Variants in GABRB1 observed in about 807,000 individuals in gnomAD.
GABRB1 encodes the protein gamma-aminobutyric acid type A receptor subunit beta1.
Under a neutral mutation model 51.6 loss-of-function variants are expected in GABRB1, and 17 were observed. The observed-to-expected ratio is 0.33, with a 90% CI of 0.23 to 0.49. The LOEUF is 0.49. Ranked by LOEUF, GABRB1 falls within the 20% of genes least tolerant of loss-of-function variation. The pLI is 0.99. For synonymous variants in GABRB1, 247 were observed against 218.9 expected, an observed-to-expected ratio of 1.13 and a Z score of -1.14; for missense variants, 410 against 600.6, an observed-to-expected ratio of 0.68 and a Z score of 3.32.
At chr4:47,272,587 G>C (rs1359428023) in intron 4 of GABRB1, among the ~76,000 whole-genome samples, 1 of 151,868 alleles carries the variant, frequency 6.6e-6, no homozygotes, top group Non-Finnish European at 1.5e-5. Flanking sequence ...AAATAATTTT[G>C]ATCTATAGAA....
At chr4:47,344,166 A>G (rs1017024728) in intron 5 of GABRB1, among the ~76,000 whole-genome samples, 2 of 152,184 alleles carry the variant, frequency 1.3e-5, no homozygotes, top group Admixed American at 1.3e-4. Context: ...TCTGGATATG[A>G]TATGTCAAAG....
intron 4 of GABRB1, among the ~76,000 whole-genome samples, chr4:47,228,525 T>C (rs917773960): frequency 1.3e-5 from 2 of 152,096 alleles, no homozygotes; most frequent in Non-Finnish European, 2.9e-5. Flanking sequence ...GTCTTTGCAT[T>C]CTAGATTAAT....
chr4:47,291,142 AG>A (rs1284900339), intron 4 of GABRB1, among the ~76,000 whole-genome samples: 3 of 151,906 alleles, frequency 2.0e-5, no homozygotes, highest in African/African-American at 4.8e-5. Context: ...TGTGTAGTCT[AG>A]GGACTTGGTG....
chr4:47,424,536 C>G (rs1729203137), intron 8 of GABRB1, among the ~76,000 whole-genome samples: 1 of 152,136 alleles, frequency 6.6e-6, no homozygotes, highest in Non-Finnish European at 1.5e-5. Context: ...TTCTCTATCT[C>G]TTCTTCACTA....
chr4:47,082,924 G>T (rs1414996371), intron 3 of GABRB1, among the ~76,000 whole-genome samples: 1 of 151,996 alleles, frequency 6.6e-6, no homozygotes, highest in Non-Finnish European at 1.5e-5. Context: ...CAGGCTTATG[G>T]GGAAATCAGG....
intron 3 of GABRB1, among the ~76,000 whole-genome samples, chr4:47,136,286 T>A (rs535197047): frequency 3.1e-4 from 47 of 152,184 alleles, no homozygotes; most frequent in Non-Finnish European, 5.9e-4. Flanking sequence ...CGGCCTTGAA[T>A]ACCACTTCTA....
At chr4:47,054,353 CTG>C (rs1219627692) in intron 3 of GABRB1, among the ~76,000 whole-genome samples, 2 of 152,180 alleles carry the variant, frequency 1.3e-5, no homozygotes, top group African/African-American at 4.8e-5. Flanking sequence ...TCTTGCTATA[CTG>C]GTGCTTGCCA....
intron 3 of GABRB1, among the ~76,000 whole-genome samples, chr4:47,080,797 T>C (rs529519857): frequency 6.6e-6 from 1 of 152,260 alleles, no homozygotes; most frequent in African/African-American, 2.4e-5. Flanking sequence ...GCCAGTTCTG[T>C]GGGGAAGATG....
At chr4:47,077,508 A>G (rs888184974) in intron 3 of GABRB1, among the ~76,000 whole-genome samples, 2 of 152,130 alleles carry the variant, frequency 1.3e-5, no homozygotes, top group African/African-American at 4.8e-5. Flanking sequence ...CCTTTGAGAC[A>G]AATATATTTT....
At chr4:47,405,324 G>C (rs1024239058) in intron 7 of GABRB1, among the ~76,000 whole-genome samples, 2 of 152,110 alleles carry the variant, frequency 1.3e-5, no homozygotes, top group Admixed American at 1.3e-4. Context: ...TATACATCTA[G>C]AATAATCTGA....
rs1175048632 is a variant in GABRB1, at chr4:47,019,619, TTCTC to T, written c.-19-12289_-19-12286del. Among the ~76,000 whole-genome samples the T allele has an allele frequency of 1.6e-4, 17 of 108,034 alleles. 1 individual carries two copies. Among genetic ancestry groups the T allele is most frequent in the Admixed American group, 5.1e-4 (5 of 9,808 alleles). The allele number at this position is 108,034 out of a possible 152,430, so 70.9% of individuals were successfully genotyped here. ...CTCCCTTCCTCCCTTCTTTCTTTCT[TTCTC>T]TCTCTTTCTTTCTTTCTTTCTTTCT... On this transcript the variant is annotated intron_variant, in intron 1 of 3. Transcript: ENST00000513567.
intron 5 of GABRB1, among the ~76,000 whole-genome samples, chr4:47,362,119 C>T (rs1382546164): frequency 1.3e-5 from 2 of 152,092 alleles, no homozygotes; most frequent in Non-Finnish European, 2.9e-5. Flanking sequence ...TAGGAGAAAA[C>T]AATATCAGAG....
chr4:47,385,934 G>A (rs1275354363), intron 5 of GABRB1, among the ~76,000 whole-genome samples: 1 of 152,160 alleles, frequency 6.6e-6, no homozygotes, highest in African/African-American at 2.4e-5. Context: ...GACACATAGG[G>A]CAAAGAATGG....
At chr4:47,352,281 A>G (rs1726377530) in intron 5 of GABRB1, among the ~76,000 whole-genome samples, 1 of 152,184 alleles carries the variant, frequency 6.6e-6, no homozygotes, top group South Asian at 2.1e-4. Flanking sequence ...TCAATAGCTT[A>G]CCAACTAAAA....
chr4:47,022,536 T>C (rs1724955385), intron 1 of GABRB1, among the ~76,000 whole-genome samples: 1 of 152,088 alleles, frequency 6.6e-6, no homozygotes, highest in South Asian at 2.1e-4. Context: ...CATCAGAATA[T>C]GACTAATTAA....
At chr4:47,246,524 T>C (rs1263160464) in intron 4 of GABRB1, among the ~76,000 whole-genome samples, 2 of 150,184 alleles carry the variant, frequency 1.3e-5, no homozygotes, top group African/African-American at 4.9e-5. Flanking sequence ...ATTGACTTCT[T>C]TGTCTCTGGG....
Position 47,328,904 on chromosome 4 carries a change from A to G in GABRB1, c.544+8695A>G, listed in dbSNP as rs1560335967. 4.1e-5 allele frequency among the ~76,000 whole-genome samples: 6 copies of G among 147,364 alleles called. No individual in the cohort carries two copies. In the Admixed American group the frequency reaches 4.1e-4, roughly 10 times the overall value. On this transcript the variant is annotated intron_variant, in intron 5 of 8. Transcript: ENST00000295454. ...GCACGTTTTGCACACGTACCCTAAA[A>G]CTTAAAGTATAATAAAAAAAAAAAA...
At chr4:47,372,233 G>C (rs188639746) in intron 5 of GABRB1, among the ~76,000 whole-genome samples, 7 of 152,336 alleles carry the variant, frequency 4.6e-5, no homozygotes, top group African/African-American at 1.7e-4. Context: ...GTTTGTCGAA[G>C]ATCCGATAGT....
intron 4 of GABRB1, among the ~76,000 whole-genome samples, chr4:47,184,244 TATCTC>T (rs1344444708): frequency 6.6e-6 from 1 of 151,934 alleles, no homozygotes; most frequent in Non-Finnish European, 1.5e-5. Flanking sequence ...ATTCATTAGT[TATCTC>T]ATAACCGTAA....
Sources: gnomAD v4.1 joint callset for allele counts (sites outside exome capture counted in the v4.1 genomes callset) on GRCh38, gnomAD v4.1.1 for gene constraint, MANE v1.5 for transcripts, NCBI Gene and HGNC (gene_info 2026-07-23, HGNC 2026-07-21) for gene names.